Variants in CPE observed in about 807,000 individuals in gnomAD.
CPE encodes carboxypeptidase E.
In CPE, 17 loss-of-function variants were observed where a neutral mutation model predicts 53.5. That is an observed-to-expected ratio of 0.32 (90% CI 0.22 to 0.48). The LOEUF (loss-of-function observed/expected upper bound fraction) is 0.48. Ranked by LOEUF, CPE falls within the 20% of genes least tolerant of loss-of-function variation. The pLI is 0.99. For synonymous variants in CPE, 226 were observed against 228.8 expected (o/e 0.99, Z 0.11); for missense variants, 524 against 614.7 (o/e 0.85, Z 1.56).
intron 3 of CPE, among the ~76,000 whole-genome samples, chr4:165,476,421 C>T (rs1579279082): frequency 6.6e-6 from 1 of 151,902 alleles, no homozygotes; most frequent in African/African-American, 2.4e-5. Context: ...CACATGCTCA[C>T]TTGAGGCGTT....
chr4:165,483,302 G>A (rs919286515), intron 4 of CPE, among the ~76,000 whole-genome samples: 8 of 152,050 alleles, frequency 5.3e-5, no homozygotes, highest in Non-Finnish European at 7.4e-5. Flanking sequence ...CATCCATGTC[G>A]TTGCAAAATA....
chr4:165,405,243 C>T, intron 1 of CPE: 1 of 841,318 alleles, frequency 1.2e-6, no homozygotes, highest in South Asian at 1.3e-5. Context: ...GCAATGCCTG[C>T]TCCCATCATC....
At chr4:165,380,053 A>G (rs1345940440) in intron 1 of CPE, among the ~76,000 whole-genome samples, 2 of 152,174 alleles carry the variant, frequency 1.3e-5, no homozygotes, top group African/African-American at 2.4e-5. Flanking sequence ...TCTAATTTCC[A>G]GAGGACCAGT....
At chr4:165,423,426 T>C (rs17046430) in intron 1 of CPE, among the ~76,000 whole-genome samples, 44,826 of 151,786 alleles carry the variant, frequency 0.3, 6,706 homozygotes, top group Middle Eastern at 0.39. Flanking sequence ...TTTATTAATT[T>C]CCAGTTTCAT....
intron 1 of CPE, among the ~76,000 whole-genome samples, chr4:165,409,888 A>C (rs1426713597): frequency 6.6e-6 from 1 of 152,150 alleles, no homozygotes; most frequent in African/African-American, 2.4e-5. Context: ...TCCTCTTTCT[A>C]AGGTAGTTTT....
intron 1 of CPE, chr4:165,404,332 G>A: frequency 1.3e-6 from 1 of 772,012 alleles, no homozygotes; most frequent in South Asian, 1.3e-5. Context: ...TCAGCAGGCG[G>A]AACTGGATGT....
chr4:165,492,962 A>G (rs1333667347), intron 6 of CPE, among the ~76,000 whole-genome samples: 1 of 152,170 alleles, frequency 6.6e-6, no homozygotes, highest in Non-Finnish European at 1.5e-5. Context: ...AGCAAACAAG[A>G]CATTAATTTT....
At chr4:165,426,630 C>T (rs941770774) in intron 1 of CPE, among the ~76,000 whole-genome samples, 2 of 151,992 alleles carry the variant, frequency 1.3e-5, no homozygotes, top group Non-Finnish European at 2.9e-5. Context: ...TAGGAAAAGG[C>T]AAATGTCTTT....
chr4:165,417,382 C>G (rs1209691689), intron 1 of CPE, among the ~76,000 whole-genome samples: 1 of 152,104 alleles, frequency 6.6e-6, no homozygotes, highest in Non-Finnish European at 1.5e-5. Context: ...TTCTAAGAGC[C>G]TGGGCTTCAC....
intron 1 of CPE, chr4:165,404,622 C>A: frequency 8.8e-7 from 1 of 1,135,262 alleles, no homozygotes. Context: ...ACAGGAAGGC[C>A]AAGGCTTGTG....
intron 1 of CPE, among the ~76,000 whole-genome samples, chr4:165,423,564 A>G (rs1368583703): frequency 6.6e-6 from 1 of 152,026 alleles, no homozygotes; most frequent in Non-Finnish European, 1.5e-5. Context: ...ATTGTATTTC[A>G]TGTATATGCC....
intron 1 of CPE, among the ~76,000 whole-genome samples, chr4:165,429,382 A>T (rs1273553016): frequency 6.6e-6 from 1 of 152,204 alleles, no homozygotes; most frequent in Non-Finnish European, 1.5e-5. Flanking sequence ...CACTTATTGG[A>T]AAAATTCTTT....
At position 165,461,166 on chromosome 4, in the gene CPE, C is replaced by CAAAAAAAAAA. The variant is rs1173022270; in HGVS notation, c.308-3212_308-3203dup. 4.2e-3 allele frequency among the ~76,000 whole-genome samples: 187 copies of CAAAAAAAAAA among 44,150 alleles called. 4 individuals carry two copies. The highest frequency in any genetic ancestry group is 0.012 in the Middle Eastern group (1 of 84). 29.0% of individuals were successfully genotyped at this position (44,150 alleles called of 152,430 possible). ...TGGGTGACAGAGTGAGCCTCTGCCT[C>CAAAAAAAAAA]AAAAAAAAAAAAAAAAAAAAAGAAA... On this transcript the variant is annotated intron_variant, in intron 1 of 8. Coordinates refer to ENST00000402744, the MANE Select transcript of CPE (RefSeq NM_001873.4).
chr4:165,434,391 C>T (rs1731461114), intron 1 of CPE, among the ~76,000 whole-genome samples: 1 of 152,148 alleles, frequency 6.6e-6, no homozygotes, highest in African/African-American at 2.4e-5. Context: ...GGTGAAATAG[C>T]GATGTTATAG....
intron 3 of CPE, among the ~76,000 whole-genome samples, chr4:165,474,363 G>A (rs1024496359): frequency 1.3e-5 from 2 of 152,164 alleles, no homozygotes; most frequent in African/African-American, 4.8e-5. Flanking sequence ...AAGCTTTGGG[G>A]GAGTCAAATG....
At chr4:165,385,456 T>TG (rs1730576574) in intron 1 of CPE, among the ~76,000 whole-genome samples, 1 of 148,566 alleles carries the variant, frequency 6.7e-6, no homozygotes, top group Non-Finnish European at 1.5e-5. Context: ...TTTTTTTTTT[T>TG]TTTTTGAGAT....
At chr4:165,438,371 G>A (rs1326388581) in intron 1 of CPE, among the ~76,000 whole-genome samples, 3 of 152,134 alleles carry the variant, frequency 2.0e-5, no homozygotes, top group African/African-American at 7.2e-5. Context: ...TTGGTCTAGA[G>A]AAAGTGACAG....
intron 1 of CPE, among the ~76,000 whole-genome samples, chr4:165,409,286 C>G (rs1223309003): frequency 6.6e-6 from 1 of 151,534 alleles, no homozygotes; most frequent in East Asian, 1.9e-4. Flanking sequence ...TCACTGCAAC[C>G]TCTGCCTCCA....
intron 1 of CPE, among the ~76,000 whole-genome samples, chr4:165,388,594 A>G (rs1436294307): frequency 3.3e-5 from 5 of 152,194 alleles, no homozygotes; most frequent in Admixed American, 2.0e-4. Context: ...CTTATATTGC[A>G]TACTGTATAA....
Sources: allele counts gnomAD v4.1 joint callset (sites outside exome capture counted in the v4.1 genomes callset), GRCh38; gene constraint gnomAD v4.1.1; transcripts MANE v1.5; gene names NCBI Gene and HGNC (gene_info 2026-07-23, HGNC 2026-07-21).